HIVEP2: variants seen among roughly 807,000 people sequenced by gnomAD.
The protein encoded by HIVEP2 is transcription factor HIVEP2.
Under a neutral mutation model 180.7 loss-of-function variants are expected in HIVEP2, and 14 were observed. The observed-to-expected ratio is 0.08, with a 90% CI of 0.05 to 0.12. The LOEUF (loss-of-function observed/expected upper bound fraction) is 0.12. HIVEP2 is among the 10% of genes least tolerant of loss of function. HIVEP2 has a pLI of 1.00. For missense variants in HIVEP2, 2,579 were observed against 3,008.5 expected, an observed-to-expected ratio of 0.86 and a Z score of 3.34; for synonymous variants, 1,184 against 1,136.4, an observed-to-expected ratio of 1.04 and a Z score of -0.84.
intron 1 of HIVEP2, among the ~76,000 whole-genome samples, chr6:142,890,099 T>C (rs1300216177): frequency 2.6e-5 from 4 of 152,296 alleles, no homozygotes; most frequent in Non-Finnish European, 5.9e-5. Flanking sequence ...TCTATCTATG[T>C]CTTCATTTTT....
chr6:142,772,556 T>G lies in HIVEP2; in HGVS notation c.2183A>C (p.Tyr728Ser), dbSNP rs906418077. 5.6e-6 allele frequency: 9 copies of G among 1,614,212 alleles called. No individual in the cohort carries two copies. The highest frequency in any genetic ancestry group is 7.6e-6 in the Non-Finnish European group (9 of 1,180,046). The part of the protein sequence containing the change: ...STPVGIMASD[Y>S]DPKLQMQEGV... ...TTCCTGCATCTGCAGTTTGGGGTCA[T>G]AATCGGAAGCCATGATGCCCACAGG... Residue 728 changes from tyrosine to serine, a missense_variant, in exon 5 of 10, where the codon TAT (tyrosine) becomes TCT (serine). Tyr to Ser is a moderately radical substitution (Grantham distance 144). Coordinates refer to ENST00000367603, the MANE Select transcript of HIVEP2 (RefSeq NM_006734.4). The surrounding 1 kb of genome is among the most constrained non-coding windows in gnomAD (Gnocchi z 4.9).
intron 1 of HIVEP2, among the ~76,000 whole-genome samples, chr6:142,935,722 T>A (rs984833489): frequency 6.6e-6 from 1 of 152,132 alleles, no homozygotes; most frequent in Non-Finnish European, 1.5e-5. Context: ...TCTTGAGAAT[T>A]ATGACTTTAA....
At chr6:142,755,008 A>G (rs1775027906) in intron 9 of HIVEP2, among the ~76,000 whole-genome samples, 1 of 152,220 alleles carries the variant, frequency 6.6e-6, no homozygotes, top group Admixed American at 6.5e-5. Context: ...CCAAAGATAG[A>G]TAGATAGATA....
chr6:142,932,293 T>C (rs1777958427), intron 1 of HIVEP2, among the ~76,000 whole-genome samples: 1 of 152,218 alleles, frequency 6.6e-6, no homozygotes, highest in South Asian at 2.1e-4. Flanking sequence ...AGAATTATAT[T>C]TGTTAAAATC....
intron 1 of HIVEP2, among the ~76,000 whole-genome samples, chr6:142,885,766 A>G (rs1433621745): frequency 1.3e-5 from 2 of 152,178 alleles, no homozygotes; most frequent in Admixed American, 6.5e-5. Context: ...GTTTTAAATA[A>G]GCTCCCACAA....
At chr6:142,897,068 A>G (rs1365686298) in intron 1 of HIVEP2, among the ~76,000 whole-genome samples, 2 of 152,216 alleles carry the variant, frequency 1.3e-5, no homozygotes, top group Non-Finnish European at 2.9e-5. Flanking sequence ...AGAAAGCCCA[A>G]TAGAAAGGTG....
At chr6:142,848,018 T>A (rs1345989836) in intron 1 of HIVEP2, among the ~76,000 whole-genome samples, 2 of 152,166 alleles carry the variant, frequency 1.3e-5, no homozygotes, top group Non-Finnish European at 2.9e-5. Flanking sequence ...CACAAATCAG[T>A]CTTCACTGCT....
At chr6:142,822,222 G>GT (rs1777061376) in intron 2 of HIVEP2, among the ~76,000 whole-genome samples, 1 of 152,146 alleles carries the variant, frequency 6.6e-6, no homozygotes, top group South Asian at 2.1e-4. Flanking sequence ...GACCTCCTTG[G>GT]CAGTCTGATG....
At chr6:142,926,584 C>T (rs767988881) in intron 1 of HIVEP2, among the ~76,000 whole-genome samples, 14 of 152,244 alleles carry the variant, frequency 9.2e-5, no homozygotes, top group Non-Finnish European at 1.3e-4. Flanking sequence ...TCCTGGGCAC[C>T]ATCAGGCCCC....
Position 142,760,184 on chromosome 6 carries a change from G to T in HIVEP2, c.6104C>A (p.Ser2035Tyr). 2 of 1,614,078 alleles carry T rather than the reference G, an allele frequency of 1.2e-6. No individual in the cohort carries two copies. The highest frequency in any genetic ancestry group is 1.7e-6 in the Non-Finnish European group (2 of 1,179,960). ...GCTTGAGGGTGAGAAGTCCCTGGGA[G>T]AGGAGCTTGGCTCTGAAGGTAGCAT... ...ECMLPSEPSS[S>Y]PRDFSPSSHH... Residue 2035 changes from serine to tyrosine, a missense_variant, in exon 9 of 10, where the codon TCT becomes TAT. Around this residue, in one of 11 missense-constraint regions of HIVEP2, gnomAD observed 660 missense variants for 731.7 expected, o/e 0.90. Coordinates refer to ENST00000367603, the MANE Select transcript of HIVEP2 (RefSeq NM_006734.4).
At chr6:142,763,862 T>G (rs1775316722) in intron 7 of HIVEP2, among the ~76,000 whole-genome samples, 1 of 152,200 alleles carries the variant, frequency 6.6e-6, no homozygotes, top group African/African-American at 2.4e-5. Flanking sequence ...GAAACAGATA[T>G]GTTGAGAGGC....
intron 2 of HIVEP2, among the ~76,000 whole-genome samples, chr6:142,801,664 A>C (rs1776415149): frequency 1.3e-5 from 2 of 152,100 alleles, no homozygotes; most frequent in Admixed American, 1.3e-4. Context: ...CCATCTATAA[A>C]ATGGACACAA....
At chr6:142,802,246 T>C (rs1292304274) in intron 2 of HIVEP2, among the ~76,000 whole-genome samples, 4 of 152,122 alleles carry the variant, frequency 2.6e-5, no homozygotes, top group Non-Finnish European at 5.9e-5. Flanking sequence ...CACAGAAGCA[T>C]AGAGGGTAAA....
At position 142,859,460 on chromosome 6, in the gene HIVEP2, C is replaced by CA. The variant is rs142594662; in HGVS notation, c.-640-22414dup. Among the ~76,000 whole-genome samples, 486 of 118,850 alleles carry CA rather than the reference C, an allele frequency of 4.1e-3. 1 individual carries two copies. The highest frequency in any genetic ancestry group is 5.1e-3 in the African/African-American group (161 of 31,286). 78.0% of individuals were successfully genotyped at this position (118,850 alleles called of 152,430 possible). On this transcript the variant is annotated intron_variant, in intron 1 of 9. Transcript: ENST00000367603. ...TGGGCAACAGAGCAAGACCCAGTCT[C>CA]AAAAAAAAAAAAAGAAAGAAAGAAA...
At chr6:142,894,289 T>C (rs1776931152) in intron 1 of HIVEP2, among the ~76,000 whole-genome samples, 1 of 152,232 alleles carries the variant, frequency 6.6e-6, no homozygotes, top group Non-Finnish European at 1.5e-5. Flanking sequence ...GTCTTTCAGG[T>C]ACTATCTTTT....
At position 142,917,901 on chromosome 6, in the gene HIVEP2, G is replaced by A. The variant is rs192900434; in HGVS notation, c.-641+27198C>T. ...AGCAGTTCTCCTGCTTCAGCCTCTC[G>A]AGTAGCTGGGATTACAGGCATGCAC... is the stretch of plus-strand genomic sequence containing the variant. On this transcript the variant is annotated intron_variant, in intron 1 of 9. Transcript: ENST00000367603. Among the ~76,000 whole-genome samples the A allele has an allele frequency of 7.9e-3, 1,200 of 152,122 alleles. 8 individuals are homozygous for A. The highest frequency in any genetic ancestry group is 0.013 in the Admixed American group (205 of 15,284).
At chr6:142,915,867 C>T (rs984356029) in intron 1 of HIVEP2, among the ~76,000 whole-genome samples, 1 of 152,330 alleles carries the variant, frequency 6.6e-6, no homozygotes, top group South Asian at 2.1e-4. Context: ...TACTTGGCAT[C>T]TCCATTTAGA....
chr6:142,924,743 G>A (rs1014406915), intron 1 of HIVEP2, among the ~76,000 whole-genome samples: 1 of 152,176 alleles, frequency 6.6e-6, no homozygotes, highest in African/African-American at 2.4e-5. Context: ...AAGGTACTGG[G>A]TTTGGATTAA....
chr6:142,816,272 C>G (rs563075016), intron 2 of HIVEP2, among the ~76,000 whole-genome samples: 22 of 152,292 alleles, frequency 1.4e-4, no homozygotes, highest in African/African-American at 5.3e-4. Flanking sequence ...ATGCATCTCA[C>G]GAGAGCCAAG....
Sources: allele counts gnomAD v4.1 joint callset (sites outside exome capture counted in the v4.1 genomes callset), GRCh38; gene constraint gnomAD v4.1.1; regional missense constraint gnomAD v4.1.1; non-coding constraint Gnocchi (gnomAD v3.1); transcripts MANE v1.5; gene names NCBI Gene and HGNC (gene_info 2026-07-23, HGNC 2026-07-21).